Variants in CLVS1 observed in about 807,000 individuals in gnomAD.
CLVS1 encodes the protein clavesin-1.
A neutral mutation model predicts 33.1 loss-of-function variants in CLVS1; 10 were observed. The ratio of observed to expected loss-of-function variants is 0.30; its 90% CI spans 0.19 to 0.51. The LOEUF is 0.51. Among genes scored for constraint, CLVS1 ranks in the 20% least tolerant of loss-of-function variants. CLVS1 has a pLI of 0.97. For synonymous variants in CLVS1, 163 were observed against 166.1 expected (o/e 0.98, Z 0.14); for missense variants, 343 against 433.4 (o/e 0.79, Z 1.85).
intron 2 of CLVS1, among the ~76,000 whole-genome samples, chr8:61,258,410 GGGA>G (rs1261314794): frequency 6.6e-6 from 1 of 152,120 alleles, no homozygotes; most frequent in Non-Finnish European, 1.5e-5. Flanking sequence ...ATCTTGTGAG[GGGA>G]GGAGAAGAAA....
intron 3 of CLVS1, among the ~76,000 whole-genome samples, chr8:61,407,710 A>C (rs1815044816): frequency 6.6e-6 from 1 of 152,228 alleles, no homozygotes. Context: ...ATGCCTTATA[A>C]TGCATATTGA....
At chr8:61,421,094 G>T (rs1815644314) in intron 3 of CLVS1, among the ~76,000 whole-genome samples, 1 of 152,190 alleles carries the variant, frequency 6.6e-6, no homozygotes, top group Non-Finnish European at 1.5e-5. Context: ...TGCTTTTGAG[G>T]TGCATTAGAG....
chr8:61,018,521 A>T, the CLVS1 span, among the ~76,000 whole-genome samples: 1 of 152,330 alleles, frequency 6.6e-6, no homozygotes, highest in African/African-American at 2.4e-5. Context: ...TAGAGTGAAA[A>T]GGGGGCAAAG....
chr8:61,056,062 A>C (rs1427553070), upstream of CLVS1, among the ~76,000 whole-genome samples: 1 of 152,154 alleles, frequency 6.6e-6, no homozygotes, highest in African/African-American at 2.4e-5. Context: ...AGCTCTGCTT[A>C]TTTCACACTG....
chr8:61,408,729 A>G (rs1010065491), intron 3 of CLVS1, among the ~76,000 whole-genome samples: 1 of 152,238 alleles, frequency 6.6e-6, no homozygotes, highest in Non-Finnish European at 1.5e-5. Context: ...TCCCAGTGCT[A>G]GTCATCTTGG....
intron 1 of CLVS1, among the ~76,000 whole-genome samples, chr8:61,109,425 C>T (rs757954724): frequency 6.6e-6 from 1 of 151,900 alleles, no homozygotes; most frequent in Non-Finnish European, 1.5e-5. Context: ...TGCTTTTTAG[C>T]TATAATACAA....
intron 5 of CLVS1, among the ~76,000 whole-genome samples, chr8:61,498,526 A>G (rs1028066196): frequency 1.3e-5 from 2 of 152,200 alleles, no homozygotes; most frequent in Non-Finnish European, 2.9e-5. Flanking sequence ...CTCTTTTTAT[A>G]ACCTTTTCTC....
intron 2 of CLVS1, among the ~76,000 whole-genome samples, chr8:61,233,069 T>C (rs1457987118): frequency 6.6e-6 from 1 of 152,240 alleles, no homozygotes; most frequent in Non-Finnish European, 1.5e-5. Context: ...CATTATTTAT[T>C]AATCAAATGA....
intron 2 of CLVS1, among the ~76,000 whole-genome samples, chr8:61,258,568 C>T (rs1455762422): frequency 6.6e-6 from 1 of 152,184 alleles, no homozygotes; most frequent in African/African-American, 2.4e-5. Context: ...GTTGCACCAG[C>T]AGAATCAGTT....
intron 2 of CLVS1, among the ~76,000 whole-genome samples, chr8:61,344,830 T>C (rs1362491606): frequency 6.6e-6 from 1 of 151,720 alleles, no homozygotes; most frequent in African/African-American, 2.4e-5. Flanking sequence ...CTTTGGTAAG[T>C]AGTAATATTA....
At chr8:61,153,378 C>G (rs950046153) in intron 2 of CLVS1, among the ~76,000 whole-genome samples, 1 of 152,132 alleles carries the variant, frequency 6.6e-6, no homozygotes, top group Non-Finnish European at 1.5e-5. Flanking sequence ...AAAGCAGTCA[C>G]GATGGTGTGC....
intron 1 of CLVS1, among the ~76,000 whole-genome samples, chr8:61,074,379 TATATGTGTATA>T (rs1563392855): frequency 3.2e-5 from 4 of 125,960 alleles, no homozygotes; most frequent in African/African-American, 1.2e-4. Flanking sequence ...TATATATAAG[TATATGTGTATA>T]TATATATGTT....
intron 2 of CLVS1, among the ~76,000 whole-genome samples, chr8:61,348,917 A>G (rs1812338359): frequency 6.6e-6 from 1 of 152,108 alleles, no homozygotes; most frequent in African/African-American, 2.4e-5. Flanking sequence ...TACTTGTCCT[A>G]GAAGGTATGA....
chr8:61,224,523 G>C (rs1387861713), intron 2 of CLVS1, among the ~76,000 whole-genome samples: 1 of 152,182 alleles, frequency 6.6e-6, no homozygotes, highest in Non-Finnish European at 1.5e-5. Flanking sequence ...GAAGGCTAGA[G>C]AACAGCAAAG....
intron 3 of CLVS1, among the ~76,000 whole-genome samples, chr8:61,383,180 A>G (rs1205408343): frequency 6.6e-6 from 1 of 152,310 alleles, no homozygotes. Flanking sequence ...ACTATAGGTA[A>G]TGACTTAGGG....
intron 2 of CLVS1, among the ~76,000 whole-genome samples, chr8:61,339,548 A>G (rs1272142002): frequency 6.6e-6 from 1 of 152,120 alleles, no homozygotes; most frequent in African/African-American, 2.4e-5. Context: ...GCACTGACAG[A>G]ACCAATTACT....
intron 2 of CLVS1, among the ~76,000 whole-genome samples, chr8:61,304,988 A>G (rs1810571040): frequency 6.6e-6 from 1 of 152,122 alleles, no homozygotes; most frequent in Non-Finnish European, 1.5e-5. Context: ...CTGAACCCCG[A>G]TGGCCAGCTT....
At chr8:61,241,685 C>A (rs190908270) in intron 2 of CLVS1, among the ~76,000 whole-genome samples, 1 of 152,310 alleles carries the variant, frequency 6.6e-6, no homozygotes, top group East Asian at 1.9e-4. Flanking sequence ...GAAATTTTTG[C>A]TTTAAAATGA....
chr8:61,011,801 T>G, the CLVS1 span, among the ~76,000 whole-genome samples: 1 of 152,334 alleles, frequency 6.6e-6, no homozygotes, highest in African/African-American at 2.4e-5. Flanking sequence ...TTCGGTGCCA[T>G]GTTATTGTTG....
Sources: gnomAD v4.1 joint callset for allele counts (sites outside exome capture counted in the v4.1 genomes callset) on GRCh38, gnomAD v4.1.1 for gene constraint, MANE v1.5 for transcripts, NCBI Gene and HGNC (gene_info 2026-07-23, HGNC 2026-07-21) for gene names.